The following INTS7 variants were observed in gnomAD, a reference collection of about 807,000 sequenced individuals.
INTS7 encodes chromosome 1 open reading frame 73.
INTS7 carries 46 observed loss-of-function variants against 109.2 expected under a neutral mutation model. That is an observed-to-expected ratio of 0.42 (90% confidence interval 0.33 to 0.54). INTS7 has a LOEUF of 0.54. Ranked by LOEUF, INTS7 falls within the 20% of genes least tolerant of loss-of-function variation. The pLI, the probability that INTS7 is intolerant of heterozygous loss-of-function variation, is 0.07. For synonymous variants in INTS7, 412 were observed against 402.9 expected (o/e 1.02, Z -0.27); for missense variants, 929 against 1,132.4 (o/e 0.82, Z 2.58).
chr1:211,989,559 C>T (rs534342864), intron 7 of INTS7, among the ~76,000 whole-genome samples: 5 of 152,134 alleles, frequency 3.3e-5, no homozygotes, highest in Middle Eastern at 3.4e-3. Flanking sequence ...CAGTGGCTCA[C>T]GTCTGTAATC....
chr1:211,969,293 A>C lies in INTS7; in HGVS notation c.1816-586T>G, dbSNP rs182291226. Among the ~76,000 whole-genome samples, 220 of 151,496 alleles carry C rather than the reference A, an allele frequency of 1.5e-3. 1 individual carries two copies. The East Asian group carries it at 0.022, about 15-fold the overall frequency. On this transcript the variant is annotated intron_variant, in intron 13 of 19. Coordinates refer to ENST00000366994, the MANE Select transcript of INTS7 (RefSeq NM_015434.4). ...GAACGAGACTGTCTCAAAAAAAAAAACAAAGAAAAAAGAAGATAATCGCAT... is the reference window on the plus strand; with the variant it reads ...GAACGAGACTGTCTCAAAAAAAAAACCAAAGAAAAAAGAAGATAATCGCAT...
rs1666759653 is a variant in INTS7 at position 212,022,684 on chromosome 1, G to A, written c.95-1472C>T. On this transcript the variant is annotated intron_variant, in intron 1 of 19. Transcript: ENST00000366994. Reference sequence around the variant, plus strand: ...GGGATAACTATAACTCTCATACCTTGTTAGTGGGAATGTAAAACTGTACAG... The same window carrying A: ...GGGATAACTATAACTCTCATACCTTATTAGTGGGAATGTAAAACTGTACAG... Among the ~76,000 whole-genome samples the A allele has an allele frequency of 2.0e-5, 3 of 152,188 alleles. No homozygotes were observed. The South Asian group carries it at 6.2e-4, about 31-fold the overall frequency.
intron 1 of INTS7, chr1:212,025,614 G>C (rs2993525): frequency 0.042 from 8,333 of 198,608 alleles, 246 homozygotes; most frequent in African/African-American, 0.083. Flanking sequence ...GAAGGATAAA[G>C]TAAGTCTCTA....
At chr1:212,015,146 T>TGCCC (rs1218221984) in intron 4 of INTS7, among the ~76,000 whole-genome samples, 1 of 150,044 alleles carries the variant, frequency 6.7e-6, no homozygotes, top group Non-Finnish European at 1.5e-5. Flanking sequence ...GGGCAGCCCC[T>TGCCC]GCCCGGGAAG....
chr1:211,978,496 T>C lies in INTS7; in HGVS notation c.1246A>G (p.Met416Val), dbSNP rs1478434394. Residue 416 changes from methionine (M) to valine (V), a missense_variant, in exon 11 of 20, where the codon ATG (methionine) becomes GTG (valine). By Grantham distance (21) the Met-to-Val change is conservative. Around this residue, in one of 2 missense-constraint regions of INTS7, gnomAD observed 787 missense variants for 901.1 expected, o/e 0.87. Transcript: ENST00000366994. The stretch of plus-strand genomic sequence containing the variant: ...GGCCTGCCCTTGGCCAACTTCACCA[T>C]ACAGTTTAGAGCAATCTGCACGCCA... ...QATLKIALNC[M>V]VKLAKGRPHL... 6 of 1,614,064 alleles carry C rather than the reference T, an allele frequency of 3.7e-6. No homozygotes were observed. The highest frequency in any genetic ancestry group is 2.2e-5 in the East Asian group (1 of 44,900).
rs78496808 is a variant in INTS7, at chr1:212,029,144, A to C, written c.94+6200T>G. Among the ~76,000 whole-genome samples, 465 of 152,366 alleles carry C rather than the reference A, an allele frequency of 3.1e-3. 4 individuals are homozygous for C. The highest frequency in any genetic ancestry group is 0.011 in the African/African-American group (451 of 41,598). On this transcript the variant is annotated intron_variant, in intron 1 of 19. Transcript: ENST00000366994. ...ATTAATCAAGTTTTCAAAACAGCAC[A>C]AATCTCCAAGTAGCATCTATCAGCA...
At chr1:211,974,391 CTTTT>C (rs1228707225) in intron 13 of INTS7, among the ~76,000 whole-genome samples, 1 of 148,178 alleles carries the variant, frequency 6.7e-6, no homozygotes, top group Non-Finnish European at 1.5e-5. Flanking sequence ...TGAAACATTT[CTTTT>C]GAGATAGGCC....
At chr1:211,957,530 A>C (rs538680953) in intron 16 of INTS7, among the ~76,000 whole-genome samples, 1 of 152,296 alleles carries the variant, frequency 6.6e-6, no homozygotes, top group East Asian at 1.9e-4. Flanking sequence ...TGGGCGACAG[A>C]GAGAGGATCC....
chr1:212,026,469 T>C (rs1666924478), intron 1 of INTS7, among the ~76,000 whole-genome samples: 1 of 152,190 alleles, frequency 6.6e-6, no homozygotes, highest in Admixed American at 6.5e-5. Context: ...CTTCACCCTC[T>C]TACACACACA....
At chr1:211,997,767 T>A (rs1268337348) in intron 7 of INTS7, among the ~76,000 whole-genome samples, 1 of 151,200 alleles carries the variant, frequency 6.6e-6, no homozygotes, top group African/African-American at 2.4e-5. Context: ...TAACCCCAGC[T>A]ACTTGGGAGG....
At chr1:211,944,488 C>G (rs902720492) in intron 19 of INTS7, among the ~76,000 whole-genome samples, 1 of 152,186 alleles carries the variant, frequency 6.6e-6, no homozygotes, top group South Asian at 2.1e-4. Context: ...CAGGGGTCTA[C>G]GGTTAGAAAG....
intron 1 of INTS7, among the ~76,000 whole-genome samples, chr1:212,029,678 C>A (rs559170421): frequency 1.7e-3 from 261 of 152,326 alleles, no homozygotes; most frequent in Non-Finnish European, 2.5e-3. Flanking sequence ...AAGAACACCA[C>A]AAATAAAGCA....
intron 1 of INTS7, among the ~76,000 whole-genome samples, chr1:212,026,025 TGTAATCACA>T (rs752701072): frequency 5.9e-5 from 9 of 152,052 alleles, no homozygotes; most frequent in Non-Finnish European, 1.0e-4. Context: ...GGCAGGCACC[TGTAATCACA>T]GCTACTAGGG....
chr1:211,970,907 C>T (rs1043715197), intron 13 of INTS7, among the ~76,000 whole-genome samples: 2 of 152,180 alleles, frequency 1.3e-5, no homozygotes, highest in Non-Finnish European at 2.9e-5. Flanking sequence ...TAATATCTTA[C>T]AGCAATATCT....
intron 4 of INTS7, among the ~76,000 whole-genome samples, chr1:212,016,424 AAAC>A (rs1422884740): frequency 6.6e-6 from 1 of 152,244 alleles, no homozygotes; most frequent in Non-Finnish European, 1.5e-5. Context: ...CTGTTCTGTA[AAAC>A]AACAGTGTAG....
Position 212,006,088 on chromosome 1 carries a change from ATT to A in INTS7, c.879+549_879+550del, listed in dbSNP as rs1165610142. Among the ~76,000 whole-genome samples, 8 of 152,300 alleles carry A rather than the reference ATT, an allele frequency of 5.3e-5. No individual in the cohort carries two copies. The East Asian group carries it at 1.2e-3, about 22-fold the overall frequency. On this transcript the variant is annotated intron_variant, in intron 7 of 19. Transcript: ENST00000366994. Reference sequence around the variant, plus strand: ...GTAATGGGTAAACAAACAGGGTTCTATTTTGAGAAAAAAATAAACATAAAATA... The same window carrying A: ...GTAATGGGTAAACAAACAGGGTTCTATTGAGAAAAAAATAAACATAAAATA...
intron 10 of INTS7, among the ~76,000 whole-genome samples, chr1:211,979,145 C>T (rs1322973819): frequency 6.6e-6 from 1 of 152,186 alleles, no homozygotes; most frequent in Non-Finnish European, 1.5e-5. Flanking sequence ...TAGAAATATT[C>T]CCACTTTTAC....
At chr1:211,957,625 G>C (rs532517298) in intron 16 of INTS7, among the ~76,000 whole-genome samples, 27 of 152,162 alleles carry the variant, frequency 1.8e-4, no homozygotes, top group Non-Finnish European at 2.9e-4. Flanking sequence ...TCTTTTGATA[G>C]AATATGTTTT....
Position 212,006,759 on chromosome 1 carries a change from A to C in INTS7, c.759T>G (p.Ile253Met), listed in dbSNP as rs375332622. 1.2e-6 allele frequency: 2 copies of C among 1,601,218 alleles called. No individual in the cohort carries two copies. ...ASSLVDTPKQ[I>M]QLLLQYLKND... ...TCTTCAAATACTGCAACAGAAGCTG[A>C]ATCTATAAAGGAAATAAGTCACTCC... Residue 253 changes from isoleucine (I) to methionine (M), a missense_variant and splice_region_variant, in exon 7 of 20, where the codon ATT (isoleucine) becomes ATG (methionine). Around this residue, in one of 2 missense-constraint regions of INTS7, gnomAD observed 787 missense variants for 901.1 expected, o/e 0.87. Coordinates refer to ENST00000366994, the MANE Select transcript of INTS7 (RefSeq NM_015434.4).
Sources: allele counts gnomAD v4.1 joint callset (sites outside exome capture counted in the v4.1 genomes callset), GRCh38; gene constraint gnomAD v4.1.1; regional missense constraint gnomAD v4.1.1; transcripts MANE v1.5; gene names NCBI Gene and HGNC (gene_info 2026-07-23, HGNC 2026-07-21).